HCN1: variants seen among roughly 807,000 people sequenced by gnomAD.
The protein encoded by HCN1 is hyperpolarization activated cyclic nucleotide gated potassium channel 1.
In HCN1, 13 loss-of-function variants were observed where a neutral mutation model predicts 78.9. The ratio of observed to expected loss-of-function variants is 0.16; its 90% CI spans 0.11 to 0.26. The LOEUF (loss-of-function observed/expected upper bound fraction) is 0.26, where lower values mean the gene tolerates loss of function less well. Among genes scored for constraint, HCN1 ranks in the 10% least tolerant of loss-of-function variants. HCN1 has a pLI of 1.00. For missense variants in HCN1, 810 were observed against 1,154.3 expected (o/e 0.70, Z 4.32); for synonymous variants, 552 against 455.5 (o/e 1.21, Z -2.70).
At chr5:45,620,266 C>T (rs1235285151) in intron 2 of HCN1, among the ~76,000 whole-genome samples, 1 of 151,844 alleles carries the variant, frequency 6.6e-6, no homozygotes, top group Non-Finnish European at 1.5e-5. Flanking sequence ...AGGAAAAGGA[C>T]ATTAGTGGAA....
Position 45,695,657 on chromosome 5 carries a change from G to T in HCN1, c.425+12C>A, listed in dbSNP as rs748471108. On this transcript the variant is annotated intron_variant, in intron 1 of 7. Coordinates refer to ENST00000303230, the MANE Select transcript of HCN1 (RefSeq NM_021072.4). ...CTGAAGGGAGGGTGGGGCGGCGACC[G>T]GGAGCCCTCACCTGAAATCACTGTA... The T allele has an allele frequency of 1.9e-6, 3 of 1,610,240 alleles. No homozygotes were observed. Among genetic ancestry groups the T allele is most frequent in the East Asian group, 2.2e-5 (1 of 44,670 alleles).
At chr5:45,522,857 T>A (rs1475342859) in intron 2 of HCN1, among the ~76,000 whole-genome samples, 2 of 151,968 alleles carry the variant, frequency 1.3e-5, no homozygotes, top group Non-Finnish European at 2.9e-5. Context: ...TTTCCTTTTT[T>A]AAATTTTATT....
At chr5:45,476,658 T>A (rs1314338288) in intron 2 of HCN1, among the ~76,000 whole-genome samples, 1 of 152,180 alleles carries the variant, frequency 6.6e-6, no homozygotes, top group African/African-American at 2.4e-5. Context: ...TTTTAGCATT[T>A]ATCATGCTGG....
At chr5:45,678,105 G>A (rs1445297178) in intron 1 of HCN1, among the ~76,000 whole-genome samples, 1 of 151,552 alleles carries the variant, frequency 6.6e-6, no homozygotes, top group East Asian at 1.9e-4. Context: ...ATTCTGTTTG[G>A]GGTTCGGCTT....
At chr5:45,305,305 C>A (rs1371495562) in intron 5 of HCN1, among the ~76,000 whole-genome samples, 2 of 152,110 alleles carry the variant, frequency 1.3e-5, no homozygotes, top group African/African-American at 4.8e-5. Context: ...ACAGAAGGCA[C>A]AACATTTTGA....
chr5:45,423,130 C>T (rs1260797487), intron 3 of HCN1, among the ~76,000 whole-genome samples: 2 of 151,998 alleles, frequency 1.3e-5, no homozygotes. Flanking sequence ...ATATTCTATT[C>T]CTATATCAAA....
At chr5:45,678,033 C>G (rs536301989) in intron 1 of HCN1, among the ~76,000 whole-genome samples, 1 of 150,556 alleles carries the variant, frequency 6.6e-6, no homozygotes, top group Non-Finnish European at 1.5e-5. Flanking sequence ...CACACTATAA[C>G]GTTAAACAGA....
intron 1 of HCN1, among the ~76,000 whole-genome samples, chr5:45,647,045 C>T (rs1745562562): frequency 6.6e-6 from 1 of 152,082 alleles, no homozygotes; most frequent in Non-Finnish European, 1.5e-5. Flanking sequence ...AAGAATGACT[C>T]CTGAAATAAA....
At chr5:45,685,259 C>A (rs549317323) in intron 1 of HCN1, among the ~76,000 whole-genome samples, 6 of 152,230 alleles carry the variant, frequency 3.9e-5, no homozygotes, top group Admixed American at 2.0e-4. Context: ...TTTAACTATG[C>A]CATTTTCTGA....
intron 4 of HCN1, among the ~76,000 whole-genome samples, chr5:45,353,916 G>T (rs1487673927): frequency 2.0e-5 from 3 of 151,956 alleles, no homozygotes; most frequent in African/African-American, 7.2e-5. Flanking sequence ...CGTCAACTGT[G>T]ATTGTTTTAA....
At chr5:45,525,730 A>G in intron 2 of HCN1, among the ~76,000 whole-genome samples, 1 of 152,062 alleles carries the variant, frequency 6.6e-6, no homozygotes. Flanking sequence ...TCACCTACAT[A>G]CAGTAGAATT....
At chr5:45,470,105 T>C (rs569870707) in intron 2 of HCN1, among the ~76,000 whole-genome samples, 11 of 152,178 alleles carry the variant, frequency 7.2e-5, no homozygotes, top group African/African-American at 2.6e-4. Flanking sequence ...TCATAATTTT[T>C]TATGCATTGG....
intron 5 of HCN1, among the ~76,000 whole-genome samples, chr5:45,323,450 T>A (rs1202397843): frequency 6.6e-6 from 1 of 151,914 alleles, no homozygotes; most frequent in Admixed American, 6.6e-5. Flanking sequence ...TGATATCATA[T>A]AGAAGGGAAT....
At chr5:45,354,067 T>C (rs1477857057) in intron 4 of HCN1, among the ~76,000 whole-genome samples, 1 of 149,284 alleles carries the variant, frequency 6.7e-6, no homozygotes, top group Non-Finnish European at 1.5e-5. Flanking sequence ...GAGAGAGAGA[T>C]TGTTTGTAAG....
chr5:45,436,942 A>T (rs908829126), intron 3 of HCN1, among the ~76,000 whole-genome samples: 1 of 152,186 alleles, frequency 6.6e-6, no homozygotes, highest in African/African-American at 2.4e-5. Context: ...GTAAATGAAA[A>T]CTTGGATTAG....
chr5:45,519,526 A>G (rs79092338), intron 2 of HCN1, among the ~76,000 whole-genome samples: 6,938 of 152,138 alleles, frequency 0.046, 559 homozygotes, highest in African/African-American at 0.16. Flanking sequence ...AGTTTTCTCA[A>G]AATGACAAGC....
intron 2 of HCN1, among the ~76,000 whole-genome samples, chr5:45,497,820 G>T (rs1401723396): frequency 6.6e-6 from 1 of 152,114 alleles, no homozygotes; most frequent in Non-Finnish European, 1.5e-5. Flanking sequence ...GTCTGTAAAG[G>T]ATTTTATTTC....
At chr5:45,312,711 G>C (rs1018820298) in intron 5 of HCN1, among the ~76,000 whole-genome samples, 5 of 152,242 alleles carry the variant, frequency 3.3e-5, no homozygotes. Flanking sequence ...GGCACACCAG[G>C]AGATTATATC....
chr5:45,293,256 T>A (rs1043740514), intron 6 of HCN1, among the ~76,000 whole-genome samples: 1 of 152,018 alleles, frequency 6.6e-6, no homozygotes, highest in African/African-American at 2.4e-5. Flanking sequence ...CTCACCAGTA[T>A]CTATAATTTT....
Sources: gnomAD v4.1 joint callset for allele counts (sites outside exome capture counted in the v4.1 genomes callset) on GRCh38, gnomAD v4.1.1 for gene constraint, MANE v1.5 for transcripts, NCBI Gene and HGNC (gene_info 2026-07-23, HGNC 2026-07-21) for gene names.